The following DDX24 variants were observed in gnomAD, a reference collection of about 807,000 sequenced individuals.
DDX24 encodes the protein ATP-dependent RNA helicase DDX24.
Under a neutral mutation model 68.9 loss-of-function variants are expected in DDX24, and 24 were observed. That is an observed-to-expected ratio of 0.35 (90% CI 0.25 to 0.49). The LOEUF (loss-of-function observed/expected upper bound fraction) is 0.49, where lower values mean the gene tolerates loss of function less well. DDX24 is among the 20% of genes least tolerant of loss of function. The pLI is 0.99. For missense variants in DDX24, 989 were observed against 1,039.0 expected, an observed-to-expected ratio of 0.95 and a Z score of 0.66; for synonymous variants, 395 against 385.2, an observed-to-expected ratio of 1.03 and a Z score of -0.30.
Position 94,050,971 on chromosome 14 carries a change from C to T in DDX24, c.*220G>A. 2.3e-6 allele frequency: 1 copy of T among 428,392 alleles called. No homozygotes were observed. Among genetic ancestry groups the T allele is most frequent in the East Asian group, 3.5e-5 (1 of 28,494 alleles). The allele number at this position is 428,392 out of a possible 1,614,324, so 26.5% of individuals were successfully genotyped here. ...AAATCAAGTTTAACACACAAGAAGC[C>T]TATAAACACTGCAATACAGAAAAAT... is the stretch of plus-strand genomic sequence containing the variant. On this transcript the variant is annotated 3_prime_UTR_variant, in exon 9 of 9. Transcript: ENST00000621632.
chr14:94,061,226 C>T (rs1337935331), intron 3 of DDX24, among the ~76,000 whole-genome samples, 160 bp from the exon 4 acceptor site: 1 of 152,162 alleles, frequency 6.6e-6, no homozygotes, highest in Non-Finnish European at 1.5e-5. Flanking sequence ...GTTGACGCCA[C>T]TCCTAGAGGG....
At chr14:94,053,358 CTTTTTTTTTTTTTTTTTTT>C (rs1160011824) in intron 7 of DDX24, 3 of 124,790 alleles carry the variant, frequency 2.4e-5, no homozygotes, top group Non-Finnish European at 4.1e-5. Flanking sequence ...TAGGTAATTT[CTTTTTTTTTTTTTTTTTTT>C]TTTTTTTTTT....
chr14:94,077,238 G>A (rs1035444807), intron 2 of DDX24, among the ~76,000 whole-genome samples: 3 of 152,146 alleles, frequency 2.0e-5, no homozygotes, highest in Non-Finnish European at 2.9e-5. Flanking sequence ...CACATTAAGG[G>A]TCTATTTATT....
intron 2 of DDX24, among the ~76,000 whole-genome samples, chr14:94,065,351 G>C (rs17129447): frequency 0.49 from 74,655 of 151,006 alleles, 19,316 homozygotes; most frequent in African/African-American, 0.65. Context: ...TGCACCCGGC[G>C]TATGGGTAGA....
At chr14:94,057,759 C>T (rs1249249852) in intron 6 of DDX24, 63 bp downstream of exon 6, 2 of 1,532,014 alleles carry the variant, frequency 1.3e-6, no homozygotes, top group Non-Finnish European at 1.8e-6. Flanking sequence ...CTCCCCCAAC[C>T]TTTGCCTTAA....
intron 7 of DDX24, among the ~76,000 whole-genome samples, chr14:94,053,746 G>A (rs998561960): frequency 6.6e-6 from 1 of 152,148 alleles, no homozygotes. Context: ...CCCGGGAGGC[G>A]AAGGTTGTGG....
At position 94,060,500 on chromosome 14, in the gene DDX24, A is replaced by G. The variant is rs1467240862; in HGVS notation, c.1511T>C (p.Leu504Pro). 2.5e-6 allele frequency: 4 copies of G among 1,613,992 alleles called. No homozygotes were observed. The highest frequency in any genetic ancestry group is 3.4e-6 in the Non-Finnish European group (4 of 1,180,044). Residue 504 changes from leucine (L) to proline (P), a missense_variant, in exon 5 of 9, where the codon CTT becomes CCT. Around this residue, in one of 3 missense-constraint regions of DDX24, gnomAD observed 691 missense variants for 760.0 expected, o/e 0.91. Coordinates refer to ENST00000621632, the MANE Select transcript of DDX24 (RefSeq NM_020414.4). ...CAGGGTGAGTGTGGCAGAAAAAACA[A>G]GCGTTTGTCTCTTTGGGTTGTATTG... ...DSQYNPKRQT[L>P]VFSATLTLVH...
rs571051087 is a variant in DDX24 at position 94,057,485 on chromosome 14, T to C, written c.1989+337A>G. 7.2e-5 allele frequency: 17 copies of C among 237,060 alleles called. No homozygotes were observed. In the Middle Eastern group the frequency reaches 3.8e-3, roughly 53 times the overall value. The allele number at this position is 237,060 out of a possible 1,614,324, so 14.7% of individuals were successfully genotyped here. Reference sequence around the variant, plus strand: ...CAGCTGGGATTTGAGCCCAGAGAGATCTAAACTACCACACTCTTCTATTAA... The same window carrying C: ...CAGCTGGGATTTGAGCCCAGAGAGACCTAAACTACCACACTCTTCTATTAA... On this transcript the variant is annotated intron_variant, in intron 6 of 8. Transcript: ENST00000621632.
rs1389879867 is a variant in DDX24 at position 94,048,558 on chromosome 14, ATT to A, written c.*2631_*2632del. ...AACAATACCTATGTGTCACTGGATT[ATT>A]GGTTAAAACAGAATGAGATTCCTTG... On this transcript the variant is annotated 3_prime_UTR_variant, in exon 9 of 9. Coordinates refer to ENST00000621632, the MANE Select transcript of DDX24 (RefSeq NM_020414.4). The A allele has an allele frequency of 1.3e-5, 2 of 152,346 alleles. No individual in the cohort carries two copies. Among genetic ancestry groups the A allele is most frequent in the African/African-American group, 4.8e-5 (2 of 41,578 alleles). 9.4% of individuals were successfully genotyped at this position (152,346 alleles called of 1,614,324 possible).
At position 94,078,817 on chromosome 14, in the gene DDX24, G is replaced by C. The variant is rs1041320625; in HGVS notation, c.718+208C>G. On this transcript the variant is annotated intron_variant, in intron 2 of 8. Transcript: ENST00000621632. ...CATTTGGTTGATAATGGGGTCTACA[G>C]AGCTGAGAGAGATAAAAGTGATCTG... The C allele has an allele frequency of 1.0e-5, 6 of 589,074 alleles. No individual in the cohort carries two copies. In the African/African-American group the frequency reaches 1.1e-4, roughly 11 times the overall value. The allele number at this position is 589,074 out of a possible 1,614,324, so 36.5% of individuals were successfully genotyped here.
At chr14:94,055,282 A>C (rs1007637979) in intron 6 of DDX24, 98 bp from the exon 7 acceptor site, 6 of 1,272,238 alleles carry the variant, frequency 4.7e-6, no homozygotes, top group Non-Finnish European at 6.5e-6. Flanking sequence ...CCTACCTCCC[A>C]GCCAGGCAGG....
At chr14:94,061,217 T>C (rs1027932929) in intron 3 of DDX24, 151 bp from the exon 4 acceptor site, 25 of 856,636 alleles carry the variant, frequency 2.9e-5, no homozygotes, top group Middle Eastern at 5.0e-4. Flanking sequence ...GGCCAGACTG[T>C]TGACGCCACT....
intron 1 of DDX24, 141 bp downstream of exon 1, chr14:94,080,978 C>G (rs990405245): frequency 6.6e-6 from 1 of 152,228 alleles, no homozygotes; most frequent in Non-Finnish European, 1.5e-5. Flanking sequence ...GCACGCAGCT[C>G]GGTTGGACGG....
intron 1 of DDX24, among the ~76,000 whole-genome samples, chr14:94,080,682 C>T (rs556708817): frequency 1.6e-4 from 24 of 152,046 alleles, no homozygotes; most frequent in African/African-American, 5.6e-4. Flanking sequence ...CCGCCGGACC[C>T]GCTGCGCCAC....
chr14:94,060,153 A>G lies in DDX24; in HGVS notation c.1858T>C (p.Cys620Arg). ...LDIMPLTLHACMHQKQRLRNL... is the reference protein window; with the variant it reads ...LDIMPLTLHARMHQKQRLRNL... ...CTGAGCCTCTGCTTCTGGTGCATACAGGCATGCAGGGTCAAGGGCATGATA... is the reference window on the plus strand; with the variant it reads ...CTGAGCCTCTGCTTCTGGTGCATACGGGCATGCAGGGTCAAGGGCATGATA... Residue 620 changes from cysteine to arginine, a missense_variant, in exon 5 of 9, where the codon TGT becomes CGT. Transcript: ENST00000621632. 6.2e-7 allele frequency: 1 copy of G among 1,614,136 alleles called. No individual in the cohort carries two copies. The highest frequency in any genetic ancestry group is 1.1e-5 in the South Asian group (1 of 91,084).
Position 94,079,056 on chromosome 14 carries a change from G to A in DDX24, c.687C>T (p.Asp229=), listed in dbSNP as rs776417461. 14 of 1,613,976 alleles carry A rather than the reference G, an allele frequency of 8.7e-6. No individual in the cohort carries two copies. The highest frequency in any genetic ancestry group is 1.1e-5 in the South Asian group (1 of 91,072). The change falls in exon 2 of 9, where the codon GAC becomes GAT. Residue 229 remains aspartate (D), a synonymous_variant. Coordinates refer to ENST00000621632, the MANE Select transcript of DDX24 (RefSeq NM_020414.4). ...CAGCAGCCCCAAGGATGTCCAGTTT[G>A]TCACGGATGGCAGGTGCCAAGGTCA... The part of the protein sequence containing the change: ...QALTLAPAIR[D]KLDILGAAET...
intron 2 of DDX24, among the ~76,000 whole-genome samples, chr14:94,068,179 C>CAAATGGACACCAAAAGCAAGT (rs1885745889): frequency 6.6e-6 from 1 of 152,106 alleles, no homozygotes; most frequent in Non-Finnish European, 1.5e-5. Context: ...GCATTTAATG[C>CAAATGGACACCAAAAGCAAGT]AAATGGACAC....
intron 2 of DDX24, among the ~76,000 whole-genome samples, chr14:94,073,868 C>A (rs561199067): frequency 2.6e-5 from 4 of 151,484 alleles, no homozygotes; most frequent in African/African-American, 7.3e-5. Flanking sequence ...ACGGTGAAAC[C>A]CTGTCTCTAC....
intron 7 of DDX24, among the ~76,000 whole-genome samples, chr14:94,054,763 G>C (rs1885460097): frequency 6.6e-6 from 1 of 152,220 alleles, no homozygotes; most frequent in African/African-American, 2.4e-5. Flanking sequence ...TTCAGGGCCA[G>C]AGAAGGAAGA....
Sources: gnomAD v4.1 joint callset for allele counts (sites outside exome capture counted in the v4.1 genomes callset) on GRCh38, gnomAD v4.1.1 for gene constraint, gnomAD v4.1.1 regional missense constraint, MANE v1.5 for transcripts, NCBI Gene and HGNC (gene_info 2026-07-23, HGNC 2026-07-21) for gene names.